RAB5A: variants seen among roughly 807,000 people sequenced by gnomAD.
RAB5A encodes the protein ras-related protein Rab-5A.
Under a neutral mutation model 25.7 loss-of-function variants are expected in RAB5A, and 8 were observed. The observed-to-expected ratio is 0.31, with a 90% CI of 0.18 to 0.56. The LOEUF (loss-of-function observed/expected upper bound fraction) is 0.56. Among genes scored for constraint, RAB5A ranks in the 20% least tolerant of loss-of-function variants. The pLI, the probability that RAB5A is intolerant of heterozygous loss-of-function variation, is 0.91. For synonymous variants in RAB5A, 98 were observed against 89.8 expected (o/e 1.09, Z -0.52); for missense variants, 192 against 259.7 (o/e 0.74, Z 1.79).
chr3:19,983,426 G>A (rs1243560189), intron 5 of RAB5A, among the ~76,000 whole-genome samples: 1 of 151,200 alleles, frequency 6.6e-6, no homozygotes, highest in Non-Finnish European at 1.5e-5. Context: ...AATCGGTATA[G>A]AGAATTACAT....
chr3:19,971,935 T>C (rs756056355), intron 2 of RAB5A, among the ~76,000 whole-genome samples: 1 of 151,828 alleles, frequency 6.6e-6, no homozygotes, highest in Non-Finnish European at 1.5e-5. Flanking sequence ...GTTCCATGTA[T>C]CTTTTTGAAC....
In RAB5A at chr3:19,983,791, CAACCAACCAGGAATCAGTGTTGTAGT is replaced by C; in HGVS notation, c.620_645del (p.Pro207LeufsTer4). The C allele has an allele frequency of 6.2e-7, 1 of 1,611,088 alleles. No individual in the cohort carries two copies. The highest frequency in any genetic ancestry group is 1.1e-5 in the South Asian group (1 of 90,822). On this transcript the variant is annotated frameshift_variant, in exon 6 of 6. Transcript: ENST00000273047. LOFTEE classifies it high-confidence loss of function. ...AGGAGTAGACCTTACCGAACCCACA[CAACCAACCAGGAATCAGTGTTGTAGT>C]AACTAAACCTCTAGTTTGAACTAGC... is the stretch of plus-strand genomic sequence containing the variant.
intron 2 of RAB5A, among the ~76,000 whole-genome samples, chr3:19,954,308 C>A (rs1696467477): frequency 6.6e-6 from 1 of 152,190 alleles, no homozygotes; most frequent in Admixed American, 6.5e-5. Flanking sequence ...AACCTCCACG[C>A]CTGGCCTCAA....
At chr3:19,973,757 CAGA>C (rs1224820366) in intron 2 of RAB5A, among the ~76,000 whole-genome samples, 1 of 152,006 alleles carries the variant, frequency 6.6e-6, no homozygotes, top group African/African-American at 2.4e-5. Context: ...TTGCAAAATT[CAGA>C]AGATTTTAGT....
At chr3:19,979,510 C>T (rs1696882473) in intron 5 of RAB5A, among the ~76,000 whole-genome samples, 1 of 151,814 alleles carries the variant, frequency 6.6e-6, no homozygotes, top group South Asian at 2.1e-4. Context: ...TGGTCTCAAT[C>T]TCCTGACCTT....
chr3:19,973,381 CT>C (rs34334260), intron 2 of RAB5A, among the ~76,000 whole-genome samples: 197 of 143,648 alleles, frequency 1.4e-3, no homozygotes, highest in Middle Eastern at 3.7e-3. Flanking sequence ...ATTTTAATTC[CT>C]TTTTTTTTTT....
intron 2 of RAB5A, among the ~76,000 whole-genome samples, chr3:19,959,513 A>C (rs1696554178): frequency 2.6e-5 from 4 of 151,964 alleles, no homozygotes; most frequent in Admixed American, 2.6e-4. Flanking sequence ...AAGTGGTCTC[A>C]GTTACATTCC....
intron 2 of RAB5A, among the ~76,000 whole-genome samples, chr3:19,961,110 T>C (rs1193482302): frequency 6.6e-6 from 1 of 152,248 alleles, no homozygotes; most frequent in African/African-American, 2.4e-5. Flanking sequence ...ATGTGACTTC[T>C]AGGAAATAAA....
chr3:19,981,842 T>C (rs537536495), intron 5 of RAB5A, among the ~76,000 whole-genome samples: 2 of 152,232 alleles, frequency 1.3e-5, no homozygotes, highest in East Asian at 3.9e-4. Context: ...CTCATCGGAC[T>C]CAAATAAAAT....
intron 1 of RAB5A, among the ~76,000 whole-genome samples, chr3:19,949,247 G>A (rs1429644152): frequency 1.3e-5 from 2 of 152,138 alleles, no homozygotes; most frequent in East Asian, 3.8e-4. Flanking sequence ...TAAAAGATAA[G>A]GACTCTAAAA....
intron 4 of RAB5A, among the ~76,000 whole-genome samples, chr3:19,977,350 A>G (rs1338171129): frequency 6.6e-6 from 1 of 152,222 alleles, no homozygotes; most frequent in Non-Finnish European, 1.5e-5. Flanking sequence ...CTAGGATTAC[A>G]GGCGTGAGCC....
intron 2 of RAB5A, among the ~76,000 whole-genome samples, chr3:19,971,208 A>C (rs1696745634): frequency 7.2e-6 from 1 of 138,078 alleles, no homozygotes; most frequent in African/African-American, 2.5e-5. Flanking sequence ...AAAAAAAAAA[A>C]AAAAAAACAC....
intron 1 of RAB5A, among the ~76,000 whole-genome samples, chr3:19,949,009 A>G (rs892991317): frequency 1.3e-5 from 2 of 152,180 alleles, no homozygotes. Context: ...GAGATTGTTT[A>G]CATGTATTGT....
In RAB5A at chr3:19,956,826, G is replaced by C. The variant is rs1308281069; in HGVS notation, c.163+5765G>C. ...CTTTTGGCTGAATCGTTTTGTCATT[G>C]TTGATATTTTTGTTGTTTGGTCATG... On this transcript the variant is annotated intron_variant, in intron 2 of 5. Coordinates refer to ENST00000273047, the MANE Select transcript of RAB5A (RefSeq NM_004162.5). Among the ~76,000 whole-genome samples the C allele has an allele frequency of 2.6e-5, 4 of 151,940 alleles. No homozygotes were observed. In the East Asian group the frequency reaches 7.7e-4, roughly 29 times the overall value.
intron 4 of RAB5A, among the ~76,000 whole-genome samples, chr3:19,977,913 C>T (rs943055531): frequency 6.6e-6 from 1 of 152,054 alleles, no homozygotes. Context: ...GTGTTTGAAG[C>T]CAGTGTTAGA....
intron 2 of RAB5A, among the ~76,000 whole-genome samples, chr3:19,963,670 G>A (rs1025350378): frequency 1.3e-5 from 2 of 152,004 alleles, no homozygotes; most frequent in Non-Finnish European, 2.9e-5. Context: ...TGAGAGACAA[G>A]GTCTTCCTCT....
In RAB5A at chr3:19,951,226, A is replaced by G. The variant is rs1171024823; in HGVS notation, c.163+165A>G. The G allele has an allele frequency of 3.1e-5, 21 of 668,296 alleles. No individual in the cohort carries two copies. The East Asian group carries it at 5.4e-4, about 17-fold the overall frequency. 41.4% of individuals were successfully genotyped at this position (668,296 alleles called of 1,614,324 possible). On this transcript the variant is annotated intron_variant, in intron 2 of 5. Transcript: ENST00000273047. ...TAAAACTTGCCTTTATCTTTGTTAA[A>G]ATGATGTGTTTTTATATTTGATTGT...
intron 1 of RAB5A, among the ~76,000 whole-genome samples, chr3:19,948,734 ATCTTGTTTGATTTTTTTTTTTAATGGGAG>A (rs1357373332): frequency 1.3e-5 from 2 of 150,834 alleles, no homozygotes; most frequent in Non-Finnish European, 3.0e-5. Flanking sequence ...TGAAATCAGA[ATCTTGTTTGATTTTTTTTTTTAATGGGAG>A]TCTGATATTT....
At chr3:19,983,619 A>G (rs990014526) in intron 5 of RAB5A, 89 bp from the exon 6 acceptor site, 2 of 898,298 alleles carry the variant, frequency 2.2e-6, no homozygotes, top group African/African-American at 3.3e-5. Context: ...GGGGTAACCT[A>G]ACTGGAAAGA....
Sources: allele counts gnomAD v4.1 joint callset (sites outside exome capture counted in the v4.1 genomes callset), GRCh38; gene constraint gnomAD v4.1.1; transcripts MANE v1.5; gene names NCBI Gene and HGNC (gene_info 2026-07-23, HGNC 2026-07-21).